Variants in TTC28 observed in about 807,000 individuals in gnomAD.
The protein encoded by TTC28 is tetratricopeptide repeat protein 28.
Under a neutral mutation model 198.0 loss-of-function variants are expected in TTC28, and 61 were observed. The observed-to-expected ratio is 0.31, with a 90% CI of 0.25 to 0.38. The LOEUF is 0.38. Among genes scored for constraint, TTC28 ranks in the 10% least tolerant of loss-of-function variants. The probability of loss-of-function intolerance (pLI) is 1.00; values close to 1 mark genes in which losing one functional copy is unlikely to be tolerated. For missense variants in TTC28, 2,678 were observed against 3,164.0 expected (o/e 0.85, Z 3.69); for synonymous variants, 1,171 against 1,297.8 (o/e 0.90, Z 2.10).
intron 5 of TTC28, among the ~76,000 whole-genome samples, chr22:28,198,097 A>G (rs1310452799): frequency 6.6e-6 from 1 of 152,308 alleles, no homozygotes; most frequent in Non-Finnish European, 1.5e-5. Context: ...GAACAAATCA[A>G]AAGTCTGAAA....
intron 5 of TTC28, among the ~76,000 whole-genome samples, chr22:28,254,237 G>GTTGAGGCTGGAAACATAC (rs1930727544): frequency 6.6e-6 from 1 of 152,086 alleles, no homozygotes; most frequent in Non-Finnish European, 1.5e-5. Flanking sequence ...GAAAGGAAAG[G>GTTGAGGCTGGAAACATAC]TTGAGGCTGG....
At chr22:28,086,095 AC>A (rs1256728739) in intron 12 of TTC28, among the ~76,000 whole-genome samples, 1 of 152,114 alleles carries the variant, frequency 6.6e-6, no homozygotes, top group East Asian at 1.9e-4. Context: ...TCAACATTAG[AC>A]AGATCAACGA....
chr22:28,225,837 T>G (rs950117984), intron 5 of TTC28, among the ~76,000 whole-genome samples: 2 of 152,222 alleles, frequency 1.3e-5, no homozygotes, highest in Non-Finnish European at 2.9e-5. Context: ...TTTCTGTGCC[T>G]AAAGATTAGT....
At chr22:28,210,425 AGT>A (rs1253648552) in intron 5 of TTC28, among the ~76,000 whole-genome samples, 1 of 152,150 alleles carries the variant, frequency 6.6e-6, no homozygotes, top group Non-Finnish European at 1.5e-5. Context: ...TAGAATAAAC[AGT>A]GTAGAGAAGA....
Position 28,306,901 on chromosome 22 carries a change from C to T in TTC28, c.382-258G>A, listed in dbSNP as rs148002774. Reference sequence around the variant, plus strand: ...TCACATTCTTTGGTATTTATTCACACGTTACTTTTATTGTTTTTGAAGTAT... The same window carrying T: ...TCACATTCTTTGGTATTTATTCACATGTTACTTTTATTGTTTTTGAAGTAT... On this transcript the variant is annotated intron_variant, in intron 2 of 22. Coordinates refer to ENST00000397906, the MANE Select transcript of TTC28 (RefSeq NM_001145418.2). 1.2e-4 allele frequency among the ~76,000 whole-genome samples: 18 copies of T among 152,274 alleles called. No individual in the cohort carries two copies. In the East Asian group the frequency reaches 2.3e-3, roughly 20 times the overall value.
chr22:28,439,888 T>C (rs981305240), intron 2 of TTC28, among the ~76,000 whole-genome samples: 3 of 152,198 alleles, frequency 2.0e-5, no homozygotes, highest in Non-Finnish European at 4.4e-5. Context: ...CAGGCTGCAG[T>C]GCAATGGCGT....
At chr22:28,616,922 A>C (rs1327051615) in intron 2 of TTC28, among the ~76,000 whole-genome samples, 5 of 152,164 alleles carry the variant, frequency 3.3e-5, no homozygotes, top group Non-Finnish European at 7.3e-5. Flanking sequence ...CCATGCAGAA[A>C]GAGGAGGTAT....
chr22:28,469,895 T>C (rs1242402464), intron 2 of TTC28, among the ~76,000 whole-genome samples: 2 of 152,188 alleles, frequency 1.3e-5, no homozygotes, highest in African/African-American at 4.8e-5. Context: ...AGTGCAGTGG[T>C]GTGATCACAG....
At chr22:28,201,193 A>G (rs568625236) in intron 5 of TTC28, among the ~76,000 whole-genome samples, 5 of 152,256 alleles carry the variant, frequency 3.3e-5, no homozygotes, top group Admixed American at 6.5e-5. Context: ...TCATTCATTC[A>G]TTCATTCATT....
chr22:28,641,985 G>C (rs2051373483), intron 1 of TTC28, among the ~76,000 whole-genome samples: 1 of 152,080 alleles, frequency 6.6e-6, no homozygotes, highest in South Asian at 2.1e-4. Flanking sequence ...TTGGAACAGG[G>C]CTTGAGATTC....
intron 20 of TTC28, among the ~76,000 whole-genome samples, chr22:27,990,580 G>A (rs1409611040): frequency 6.6e-6 from 1 of 152,196 alleles, no homozygotes; most frequent in Non-Finnish European, 1.5e-5. Context: ...AAGGACGCAA[G>A]AAGGGCGGAG....
intron 21 of TTC28, among the ~76,000 whole-genome samples, chr22:27,987,286 AAG>A (rs1937244766): frequency 6.6e-6 from 1 of 152,226 alleles, no homozygotes; most frequent in Non-Finnish European, 1.5e-5. Context: ...AGCCTGTGTT[AAG>A]AGTTTTTGGG....
At position 27,998,788 on chromosome 22, in the gene TTC28, C is replaced by T. The variant is rs1421833908; in HGVS notation, c.4871G>A (p.Gly1624Asp). The T allele has an allele frequency of 6.4e-6, 10 of 1,550,608 alleles. No individual in the cohort carries two copies. The highest frequency in any genetic ancestry group is 8.7e-6 in the Non-Finnish European group (10 of 1,147,000). ...TTTGCTGTTGGACTCCTGGGAGGAG[C>T]CAAGCACCACCAGCTTCACAGGCAG... ...LQLPVKLVVL[G>D]SSQESNSKVT... Residue 1624 changes from glycine (G) to aspartate (D), a missense_variant, in exon 16 of 23, where the codon GGC becomes GAC. By Grantham distance (94) the Gly-to-Asp change is moderately conservative. This residue lies in a region of TTC28 where 727 missense variants were observed against 861.9 expected (regional missense o/e 0.84). Transcript: ENST00000397906.
intron 3 of TTC28, among the ~76,000 whole-genome samples, chr22:28,299,188 A>C (rs981885411): frequency 1.3e-5 from 2 of 152,082 alleles, no homozygotes; most frequent in African/African-American, 2.4e-5. Context: ...AAAAGCACTT[A>C]TTATTAGCTT....
At chr22:28,192,405 G>A (rs575781941) in intron 5 of TTC28, among the ~76,000 whole-genome samples, 1 of 152,320 alleles carries the variant, frequency 6.6e-6, no homozygotes, top group Non-Finnish European at 1.5e-5. Context: ...AAGGAACGCA[G>A]CTCCTCACCA....
intron 5 of TTC28, among the ~76,000 whole-genome samples, chr22:28,179,396 G>A (rs1923488995): frequency 6.6e-6 from 1 of 152,040 alleles, no homozygotes; most frequent in Non-Finnish European, 1.5e-5. Context: ...CTGACCTCAG[G>A]TGATCTGCCC....
intron 6 of TTC28, among the ~76,000 whole-genome samples, chr22:28,153,528 AT>A (rs1943665268): frequency 6.6e-6 from 1 of 152,030 alleles, no homozygotes; most frequent in Non-Finnish European, 1.5e-5. Context: ...GAAGAATTAA[AT>A]ATGAAAATGA....
At chr22:28,509,823 T>C (rs548215414) in intron 2 of TTC28, among the ~76,000 whole-genome samples, 1 of 149,464 alleles carries the variant, frequency 6.7e-6, no homozygotes, top group Non-Finnish European at 1.5e-5. Context: ...ATAAACACAA[T>C]AAAAAAATGA....
intron 2 of TTC28, among the ~76,000 whole-genome samples, chr22:28,332,032 A>C (rs1282937097): frequency 1.3e-5 from 2 of 152,124 alleles, no homozygotes; most frequent in African/African-American, 2.4e-5. Flanking sequence ...ATGTTGGCTG[A>C]CACTTGCATA....
Sources: gnomAD v4.1 joint callset for allele counts (sites outside exome capture counted in the v4.1 genomes callset) on GRCh38, gnomAD v4.1.1 for gene constraint, gnomAD v4.1.1 regional missense constraint, MANE v1.5 for transcripts, NCBI Gene and HGNC (gene_info 2026-07-23, HGNC 2026-07-21) for gene names.